ACSS2: variants seen among roughly 807,000 people sequenced by gnomAD.
The protein encoded by ACSS2 is acyl-CoA synthetase short chain family member 2, also known as acetyl-coenzyme A synthetase, cytoplasmic.
ACSS2 carries 58 observed loss-of-function variants against 90.6 expected under a neutral mutation model. The ratio of observed to expected loss-of-function variants is 0.64; its 90% CI spans 0.52 to 0.80. The LOEUF (loss-of-function observed/expected upper bound fraction) is 0.80, where lower values mean the gene tolerates loss of function less well. Among genes scored for constraint, ACSS2 ranks in the 30% least tolerant of loss-of-function variants. The probability of loss-of-function intolerance (pLI) is 0.00; values close to 1 mark genes in which losing one functional copy is unlikely to be tolerated. For synonymous variants in ACSS2, 300 were observed against 330.9 expected (o/e 0.91, Z 1.01); for missense variants, 759 against 912.0 (o/e 0.83, Z 2.16).
upstream of ACSS2, chr20:34,876,421 C>T (rs966909882): frequency 2.2e-5 from 9 of 417,610 alleles, no homozygotes; most frequent in African/African-American, 1.6e-4. Flanking sequence ...CACCCCTATC[C>T]CTCGACTTTT....
rs755713801 is a variant in ACSS2 at position 34,921,902 on chromosome 20, A to G, written c.1548+36A>G. On this transcript the variant is annotated intron_variant, in intron 13 of 17. Transcript: ENST00000360596. ...GGCCCTTGGGAGTCTTTAAGGAGAG[A>G]GGGAAAGGGTCTGCCAAGGGTACTT... 8.8e-6 allele frequency: 14 copies of G among 1,589,534 alleles called. No homozygotes were observed. The Admixed American group carries it at 1.7e-4, about 19-fold the overall frequency.
rs776175531 is a variant in ACSS2 at position 34,926,856 on chromosome 20, TTGA to T, written c.1904-16_1904-14del. 6 of 1,613,726 alleles carry T rather than the reference TTGA, an allele frequency of 3.7e-6. No homozygotes were observed. The Admixed American group carries it at 1.0e-4, about 27-fold the overall frequency. On this transcript the variant is annotated intron_variant, in intron 16 of 17. Coordinates refer to ENST00000360596, the MANE Select transcript of ACSS2 (RefSeq NM_018677.4). ...CTGGCTAAGGGTGCTGAAGAAATGC[TTGA>T]TGATTTGTTGGTTACAGTTAGAGAA... is the stretch of plus-strand genomic sequence containing the variant.
At chr20:34,881,017 ATTTTTTTTTT>A (rs71761863) in intron 1 of ACSS2, among the ~76,000 whole-genome samples, 1 of 75,532 alleles carries the variant, frequency 1.3e-5, no homozygotes, top group Non-Finnish European at 2.5e-5. Flanking sequence ...TTTCCTCCAA[ATTTTTTTTTT>A]TTTTTTTTTT....
intron 2 of ACSS2, among the ~76,000 whole-genome samples, chr20:34,898,113 C>A (rs2080511217): frequency 6.6e-6 from 1 of 152,154 alleles, no homozygotes; most frequent in South Asian, 2.1e-4. Context: ...CAGACCTTCA[C>A]AGTGAGTGTT....
intron 7 of ACSS2, among the ~76,000 whole-genome samples, chr20:34,916,987 C>T (rs568056338): frequency 6.6e-6 from 1 of 152,330 alleles, no homozygotes; most frequent in East Asian, 1.9e-4. Context: ...AATTCACAAT[C>T]AAAGGTTGCT....
intron 2 of ACSS2, among the ~76,000 whole-genome samples, chr20:34,898,295 T>G (rs963756526): frequency 3.3e-5 from 5 of 152,196 alleles, no homozygotes; most frequent in Non-Finnish European, 7.3e-5. Flanking sequence ...TCCTGCTGAT[T>G]GGTAGAGCCA....
chr20:34,915,961 GA>G (rs1407002763), intron 7 of ACSS2, among the ~76,000 whole-genome samples: 1 of 152,132 alleles, frequency 6.6e-6, no homozygotes, highest in East Asian at 1.9e-4. Flanking sequence ...GTAATGGAGA[GA>G]TGATAACACA....
chr20:34,909,006 A>C, intron 2 of ACSS2: 2 of 419,998 alleles, frequency 4.8e-6, no homozygotes, highest in Non-Finnish European at 9.3e-6. Flanking sequence ...AATAAATTAC[A>C]GTACATACAA....
At chr20:34,925,172 CTG>C (rs2081289993) in intron 14 of ACSS2, among the ~76,000 whole-genome samples, 4 of 152,174 alleles carry the variant, frequency 2.6e-5, no homozygotes, top group Admixed American at 2.6e-4. Flanking sequence ...GATCAGGAGT[CTG>C]TGAACAGTTT....
chr20:34,925,847 A>T, intron 15 of ACSS2, 81 bp downstream of exon 15: 1 of 1,505,386 alleles, frequency 6.6e-7, no homozygotes. Flanking sequence ...GCAAGAGCCC[A>T]GGAGTGTCCT....
chr20:34,894,221 G>A (rs1246439334), intron 2 of ACSS2, among the ~76,000 whole-genome samples: 1 of 152,140 alleles, frequency 6.6e-6, no homozygotes, highest in East Asian at 1.9e-4. Flanking sequence ...CAGGCACAGT[G>A]GCTCATGCCT....
At chr20:34,902,564 G>A (rs1458062377) in intron 2 of ACSS2, among the ~76,000 whole-genome samples, 1 of 152,108 alleles carries the variant, frequency 6.6e-6, no homozygotes, top group Non-Finnish European at 1.5e-5. Context: ...GAGCCTAGTA[G>A]GCAGAATAGG....
In ACSS2 at chr20:34,878,900, T is replaced by C. The variant is rs867002583; in HGVS notation, c.178+2077T>C. Reference sequence around the variant, plus strand: ...CTAATTAAAATTCTGCTTTTCTTTTTTTTTTTTTTTTCTTTTTTTTTTGAG... The same window carrying C: ...CTAATTAAAATTCTGCTTTTCTTTTCTTTTTTTTTTTCTTTTTTTTTTGAG... On this transcript the variant is annotated intron_variant, in intron 1 of 17. Coordinates refer to ENST00000360596, the MANE Select transcript of ACSS2 (RefSeq NM_018677.4). 4.1e-3 allele frequency among the ~76,000 whole-genome samples: 601 copies of C among 147,252 alleles called. 3 individuals carry two copies. Among genetic ancestry groups the C allele is most frequent in the African/African-American group, 0.014 (569 of 41,204 alleles).
chr20:34,876,773 C>A lies in ACSS2; in HGVS notation c.128C>A (p.Ser43Ter). Residue 43 changes from serine (S) to a stop codon, truncating the protein, a stop_gained, in exon 1 of 18, where the codon TCG becomes TAG. Transcript: ENST00000360596. LOFTEE classifies it high-confidence loss of function. ...GTCAGCCGCTCCGCGCACGTCCCCTCGCTGCAGCGCTACCGCGAGCTGCAC... is the reference window on the plus strand; with the variant it reads ...GTCAGCCGCTCCGCGCACGTCCCCTAGCTGCAGCGCTACCGCGAGCTGCAC... ...PEVSRSAHVP[S>*]LQRYRELHRR... is the part of the protein sequence containing the mutation. The A allele has an allele frequency of 1.4e-6, 2 of 1,389,826 alleles. No homozygotes were observed. The highest frequency in any genetic ancestry group is 1.9e-6 in the Non-Finnish European group (2 of 1,063,688). 86.1% of individuals were successfully genotyped at this position (1,389,826 alleles called of 1,614,324 possible). A position where few individuals can be genotyped will look rare whatever the true frequency, so the allele number is the denominator to read the frequency against.
chr20:34,915,284 C>A, intron 7 of ACSS2: 1 of 1,613,770 alleles, frequency 6.2e-7, no homozygotes, highest in Non-Finnish European at 8.5e-7. Flanking sequence ...GCCGTGGGCA[C>A]CGCTTCTCTG....
intron 2 of ACSS2, among the ~76,000 whole-genome samples, chr20:34,904,492 C>T (rs914840583): frequency 6.6e-6 from 1 of 152,048 alleles, no homozygotes; most frequent in African/African-American, 2.4e-5. Flanking sequence ...GGGACTAGAT[C>T]ATGTAGGCCA....
chr20:34,903,508 C>A (rs1227413520), intron 2 of ACSS2, among the ~76,000 whole-genome samples: 2 of 152,020 alleles, frequency 1.3e-5, no homozygotes, highest in Non-Finnish European at 2.9e-5. Context: ...TTGAGACTTG[C>A]TATCACATCT....
chr20:34,876,787 C>G lies in ACSS2; in HGVS notation c.142C>G (p.Arg48Gly), dbSNP rs909607996. The G allele has an allele frequency of 5.9e-6, 8 of 1,354,306 alleles. No homozygotes were observed. Among genetic ancestry groups the G allele is most frequent in the Non-Finnish European group, 7.6e-6 (8 of 1,046,446 alleles). The allele number at this position is 1,354,306 out of a possible 1,614,324, so 83.9% of individuals were successfully genotyped here. Residue 48 changes from arginine (R) to glycine (G), a missense_variant, in exon 1 of 18, where the codon CGC (arginine) becomes GGC (glycine). By Grantham distance (125) the Arg-to-Gly change is moderately radical. Transcript: ENST00000360596. ...SAHVPSLQRY[R>G]ELHRRSVEEP... ...GCACGTCCCCTCGCTGCAGCGCTAC[C>G]GCGAGCTGCACCGGCGCTCCGTGGA...
chr20:34,921,725 G>C, intron 12 of ACSS2, 61 bp from the exon 13 acceptor site: 1 of 1,608,562 alleles, frequency 6.2e-7, no homozygotes, highest in Non-Finnish European at 8.5e-7. Flanking sequence ...GGGGCCCCTT[G>C]GGAGTTGAGT....
Sources: gnomAD v4.1 joint callset for allele counts (sites outside exome capture counted in the v4.1 genomes callset) on GRCh38, gnomAD v4.1.1 for gene constraint, MANE v1.5 for transcripts, NCBI Gene and HGNC (gene_info 2026-07-23, HGNC 2026-07-21) for gene names.